The following DNAH5 variants were observed in gnomAD, a reference collection of about 807,000 sequenced individuals.
DNAH5 encodes axonemal beta dynein heavy chain 5.
Under a neutral mutation model 518.2 loss-of-function variants are expected in DNAH5, and 372 were observed. That is an observed-to-expected ratio of 0.72 (90% CI 0.66 to 0.78). DNAH5 has a LOEUF of 0.78. DNAH5 is among the 30% of genes least tolerant of loss of function. The pLI is 0.00. For synonymous variants in DNAH5, 2,039 were observed against 2,025.9 expected (o/e 1.01, Z -0.17); for missense variants, 5,523 against 5,687.0 (o/e 0.97, Z 0.93).
chr5:13,947,044 A>G (rs935727938), upstream of DNAH5, among the ~76,000 whole-genome samples: 5 of 152,266 alleles, frequency 3.3e-5, no homozygotes, highest in African/African-American at 1.2e-4. Context: ...ACAGATGTTA[A>G]AATATGAAAA....
rs1579843408 is a variant in DNAH5, at chr5:13,708,577, A to C, written c.13126-242T>G. Among the ~76,000 whole-genome samples the C allele has an allele frequency of 5.3e-5, 8 of 152,340 alleles. No individual in the cohort carries two copies. In the Middle Eastern group the frequency reaches 0.024, roughly 453 times the overall value. On this transcript the variant is annotated intron_variant, in intron 75 of 78. Coordinates refer to ENST00000265104, the MANE Select transcript of DNAH5 (RefSeq NM_001369.3). ...GAACAGGCAGCCATGAATTCACAGA[A>C]GAATGTAAAATGCATGACCACAACC...
At chr5:13,733,878 G>C (rs1402445949) in intron 68 of DNAH5, among the ~76,000 whole-genome samples, 4 of 151,996 alleles carry the variant, frequency 2.6e-5, no homozygotes, top group Admixed American at 2.0e-4. Context: ...TCCATGTTAA[G>C]CATGAAAATC....
At chr5:13,948,182 T>A (rs745567628), upstream of DNAH5, among the ~76,000 whole-genome samples, 1 of 152,230 alleles carries the variant, frequency 6.6e-6, no homozygotes, top group African/African-American at 2.4e-5. Context: ...ACACCAGCAC[T>A]GCAACTTGCA....
intron 12 of DNAH5, among the ~76,000 whole-genome samples, chr5:13,906,797 T>C (rs539587412): frequency 1.6e-4 from 24 of 152,164 alleles, no homozygotes; most frequent in Non-Finnish European, 2.8e-4. Flanking sequence ...ATGTACTACA[T>C]ATTAAAATTT....
At chr5:13,711,787 AT>A (rs1743511442) in intron 75 of DNAH5, among the ~76,000 whole-genome samples, 1 of 152,218 alleles carries the variant, frequency 6.6e-6, no homozygotes, top group Admixed American at 6.5e-5. Flanking sequence ...CTGCAAAAAA[AT>A]AAAATACTTA....
chr5:14,001,895 C>T (rs1231327751), intron 1 of DNAH5, among the ~76,000 whole-genome samples: 1 of 151,786 alleles, frequency 6.6e-6, no homozygotes, highest in Admixed American at 6.6e-5. Flanking sequence ...CAACCCTTTG[C>T]TGGTGTTAAT....
intron 12 of DNAH5, among the ~76,000 whole-genome samples, chr5:13,910,239 C>T (rs1030501907): frequency 6.6e-6 from 1 of 152,204 alleles, no homozygotes; most frequent in East Asian, 1.9e-4. Flanking sequence ...CCCAACTCCA[C>T]CCCTTGTTAT....
At chr5:13,960,213 C>G (rs1781080989) in intron 1 of DNAH5, among the ~76,000 whole-genome samples, 1 of 151,866 alleles carries the variant, frequency 6.6e-6, no homozygotes, top group Admixed American at 6.6e-5. Context: ...TTAGGTTACT[C>G]TGGTGGAGCA....
chr5:13,811,260 G>T (rs181060043), intron 44 of DNAH5, among the ~76,000 whole-genome samples: 2 of 152,242 alleles, frequency 1.3e-5, no homozygotes, highest in East Asian at 3.9e-4. Context: ...CCTTGATGTG[G>T]TTATTACACA....
intron 1 of DNAH5, among the ~76,000 whole-genome samples, chr5:14,005,515 C>T (rs564225719): frequency 4.6e-5 from 7 of 152,358 alleles, no homozygotes; most frequent in African/African-American, 1.4e-4. Context: ...CAGGAATTCA[C>T]ACCACTTCAG....
chr5:13,945,928 C>G (rs1779874324), upstream of DNAH5, among the ~76,000 whole-genome samples: 3 of 152,116 alleles, frequency 2.0e-5, no homozygotes, highest in South Asian at 6.2e-4. Context: ...TTGAAGTCAA[C>G]CTCTGGTTGT....
intron 1 of DNAH5, among the ~76,000 whole-genome samples, chr5:13,979,646 C>T (rs1472826147): frequency 6.6e-6 from 1 of 152,188 alleles, no homozygotes; most frequent in African/African-American, 2.4e-5. Context: ...TTCACCCCAA[C>T]CTGGCTTTTG....
chr5:13,866,431 G>T (rs1276302783), intron 25 of DNAH5, 149 bp from the exon 26 acceptor site: 1 of 692,228 alleles, frequency 1.4e-6, no homozygotes, highest in Admixed American at 3.2e-5. Flanking sequence ...CTCACAAAGT[G>T]ATTCATTTAG....
intron 1 of DNAH5, among the ~76,000 whole-genome samples, chr5:13,935,531 C>T (rs1778844513): frequency 6.6e-6 from 1 of 152,002 alleles, no homozygotes; most frequent in Non-Finnish European, 1.5e-5. Context: ...TGTTCTATTG[C>T]CTGAAGACAA....
chr5:13,786,874 G>A (rs992361715), intron 51 of DNAH5, among the ~76,000 whole-genome samples: 1 of 152,076 alleles, frequency 6.6e-6, no homozygotes, highest in East Asian at 1.9e-4. Flanking sequence ...AAGCATATTC[G>A]ATTATTTCAC....
At chr5:13,725,114 GC>G (rs964298554) in intron 70 of DNAH5, among the ~76,000 whole-genome samples, 2 of 152,292 alleles carry the variant, frequency 1.3e-5, no homozygotes, top group South Asian at 2.1e-4. Flanking sequence ...TATGAAGCTT[GC>G]CCCCCACCTC....
At chr5:13,844,625 A>T (rs565537956) in intron 32 of DNAH5, among the ~76,000 whole-genome samples, 1 of 151,472 alleles carries the variant, frequency 6.6e-6, no homozygotes, top group Non-Finnish European at 1.5e-5. Flanking sequence ...CTAAACTAGC[A>T]TTTTTTTTAA....
chr5:13,866,241 A>T lies in DNAH5; in HGVS notation c.4095T>A (p.Ser1365Arg). The T allele has an allele frequency of 6.2e-7, 1 of 1,613,726 alleles. No homozygotes were observed. The highest frequency in any genetic ancestry group is 1.7e-4 in the Middle Eastern group (1 of 6,060). The change falls in exon 26 of 79, where the codon AGT becomes AGA. Residue 1365 changes from serine to arginine, a missense_variant. Transcript: ENST00000265104. ...TTACCTGAAACATGATAAGCCTGTC[A>T]CTGGCTTCCTGGGGCTTCAAGCCGC... ...MASGLKPQEA[S>R]DRLIMFQNQF...
rs151143347 is a variant in DNAH5 at position 13,691,900 on chromosome 5, G to A, written c.*84C>T. 5.8e-3 allele frequency: 9,058 copies of A among 1,560,074 alleles called. 41 individuals are homozygous for A. Among genetic ancestry groups the A allele is most frequent in the Non-Finnish European group, 6.9e-3 (7,816 of 1,132,778 alleles). On this transcript the variant is annotated 3_prime_UTR_variant, in exon 79 of 79. Coordinates refer to ENST00000265104, the MANE Select transcript of DNAH5 (RefSeq NM_001369.3). ...TTGCATAAACGACCTAACATACACT[G>A]TCCAGCAGTCATACAGAAATAAAGG...
Sources: allele counts gnomAD v4.1 joint callset (sites outside exome capture counted in the v4.1 genomes callset), GRCh38; gene constraint gnomAD v4.1.1; transcripts MANE v1.5; gene names NCBI Gene and HGNC (gene_info 2026-07-23, HGNC 2026-07-21).